Variants in RPS6KA2 observed in about 807,000 individuals in gnomAD.
RPS6KA2 encodes ribosomal protein S6 kinase A2.
In RPS6KA2, 42 loss-of-function variants were observed where a neutral mutation model predicts 91.8. The observed-to-expected ratio is 0.46, with a 90% CI of 0.36 to 0.59. RPS6KA2 has a LOEUF of 0.59. Among genes scored for constraint, RPS6KA2 ranks in the 20% least tolerant of loss-of-function variants. The pLI is 0.00. For synonymous variants in RPS6KA2, 414 were observed against 393.6 expected (o/e 1.05, Z -0.61); for missense variants, 798 against 978.5 (o/e 0.82, Z 2.46).
chr6:166,503,694 A>G (rs1039204503), intron 6 of RPS6KA2, among the ~76,000 whole-genome samples: 6 of 152,170 alleles, frequency 3.9e-5, no homozygotes, highest in African/African-American at 1.4e-4. Context: ...CTAAAATACC[A>G]TCCTCCAAAT....
intron 2 of RPS6KA2, among the ~76,000 whole-genome samples, chr6:166,857,098 A>G (rs1315069674): frequency 2.0e-5 from 3 of 152,214 alleles, no homozygotes; most frequent in Non-Finnish European, 4.4e-5. Flanking sequence ...GGATCATAAG[A>G]TCCAGCGACA....
At chr6:166,844,791 TC>T (rs1318987094) in intron 2 of RPS6KA2, among the ~76,000 whole-genome samples, 1 of 151,912 alleles carries the variant, frequency 6.6e-6, no homozygotes, top group East Asian at 1.9e-4. Context: ...TTGAAACAAA[TC>T]CTCTAAATAC....
intron 2 of RPS6KA2, among the ~76,000 whole-genome samples, chr6:166,776,151 C>T (rs551239889): frequency 7.2e-5 from 11 of 152,306 alleles, no homozygotes; most frequent in African/African-American, 2.6e-4. Flanking sequence ...GAAAGTACAG[C>T]TTAGAGGACT....
intron 2 of RPS6KA2, among the ~76,000 whole-genome samples, chr6:166,651,543 C>T (rs1462795238): frequency 2.0e-5 from 3 of 152,166 alleles, no homozygotes; most frequent in East Asian, 1.9e-4. Context: ...CAACGGAAAT[C>T]CAAGGAAAGC....
intron 12 of RPS6KA2, among the ~76,000 whole-genome samples, chr6:166,454,281 C>T (rs902670794): frequency 1.3e-4 from 20 of 152,124 alleles, no homozygotes; most frequent in African/African-American, 2.4e-4. Context: ...GGGCAGATCA[C>T]GAGGTCAGGA....
At chr6:166,477,333 G>A (rs926473260) in intron 10 of RPS6KA2, among the ~76,000 whole-genome samples, 1 of 152,108 alleles carries the variant, frequency 6.6e-6, no homozygotes, top group African/African-American at 2.4e-5. Context: ...AGCTTCCAGG[G>A]GGCTGGTATC....
At position 166,445,731 on chromosome 6, in the gene RPS6KA2, C is replaced by T. The variant is rs1231699935; in HGVS notation, c.1332+2993G>A. Among the ~76,000 whole-genome samples the T allele has an allele frequency of 6.6e-6, 1 of 152,206 alleles. No individual in the cohort carries two copies. Among genetic ancestry groups the T allele is most frequent in the African/African-American group, 2.4e-5 (1 of 41,450 alleles). Reference sequence around the variant, plus strand: ...CCCTGCCATTGAATGGGAGGATGCCCTGTCTGGCTGTGACGGGACTGCTTC... The same window carrying T: ...CCCTGCCATTGAATGGGAGGATGCCTTGTCTGGCTGTGACGGGACTGCTTC... On this transcript the variant is annotated intron_variant, in intron 14 of 20. Coordinates refer to ENST00000265678, the MANE Select transcript of RPS6KA2 (RefSeq NM_021135.6). This position sits in a 1 kb window ranked among gnomAD's most constrained non-coding sequence, Gnocchi z 4.5.
intron 1 of RPS6KA2, among the ~76,000 whole-genome samples, chr6:166,566,663 C>T (rs1784515184): frequency 6.6e-6 from 1 of 152,204 alleles, no homozygotes; most frequent in South Asian, 2.1e-4. Context: ...CCCACCCTTG[C>T]CTGGAATCTC....
chr6:166,823,280 A>G (rs1321412026), intron 2 of RPS6KA2, among the ~76,000 whole-genome samples: 1 of 152,272 alleles, frequency 6.6e-6, no homozygotes, highest in Non-Finnish European at 1.5e-5. Flanking sequence ...ATGAGACTTA[A>G]GAGGTGTGTC....
At position 166,627,063 on chromosome 6, in the gene RPS6KA2, G is replaced by C. The variant is rs1372252644; in HGVS notation, c.-44C>G. On this transcript the variant is annotated 5_prime_UTR_variant, in exon 1 of 21. Coordinates refer to ENST00000265678, the MANE Select transcript of RPS6KA2 (RefSeq NM_021135.6). ...GAGCAGCCGCAGGGCCGGGGGACGC[G>C]CATCCCCGGCATCCCAGGCGCGGGG... is the stretch of plus-strand genomic sequence containing the variant. 7.6e-7 allele frequency: 1 copy of C among 1,319,788 alleles called. No homozygotes were observed. The highest frequency in any genetic ancestry group is 1.5e-5 in the African/African-American group (1 of 65,492). 81.8% of individuals were successfully genotyped at this position (1,319,788 alleles called of 1,614,324 possible).
intron 1 of RPS6KA2, among the ~76,000 whole-genome samples, chr6:166,622,021 T>C (rs908150515): frequency 6.6e-6 from 1 of 152,230 alleles, no homozygotes; most frequent in African/African-American, 2.4e-5. Flanking sequence ...AGTCAGAGGA[T>C]GTGAACATAG....
At chr6:166,503,117 G>C (rs1374002095) in intron 6 of RPS6KA2, among the ~76,000 whole-genome samples, 1 of 152,206 alleles carries the variant, frequency 6.6e-6, no homozygotes, top group East Asian at 1.9e-4. Flanking sequence ...TGTGTTAAGT[G>C]CTTATGTGTG....
intron 2 of RPS6KA2, among the ~76,000 whole-genome samples, chr6:166,531,720 C>T (rs1783283899): frequency 6.6e-6 from 1 of 152,176 alleles, no homozygotes; most frequent in Non-Finnish European, 1.5e-5. Context: ...ACAAAACAGG[C>T]TCTATCCGAT....
At chr6:166,837,498 C>T (rs2128628591) in intron 2 of RPS6KA2, among the ~76,000 whole-genome samples, 1 of 152,352 alleles carries the variant, frequency 6.6e-6, no homozygotes, top group South Asian at 2.1e-4. Flanking sequence ...GGGTGGACCT[C>T]TGTGTCTGTC....
chr6:166,777,985 A>G (rs1181552643), intron 2 of RPS6KA2, among the ~76,000 whole-genome samples: 4 of 152,262 alleles, frequency 2.6e-5, no homozygotes, highest in Non-Finnish European at 5.9e-5. Context: ...AAATATAGCA[A>G]TTTTTCCAAA....
At chr6:166,659,533 A>G (rs536084741) in intron 2 of RPS6KA2, among the ~76,000 whole-genome samples, 211 of 152,370 alleles carry the variant, frequency 1.4e-3, no homozygotes, top group African/African-American at 4.9e-3. Flanking sequence ...TTCCAAACAG[A>G]GGCTGTAGCC....
chr6:166,546,216 C>A (rs1056128656), intron 1 of RPS6KA2, among the ~76,000 whole-genome samples: 1 of 152,152 alleles, frequency 6.6e-6, no homozygotes, highest in African/African-American at 2.4e-5. Flanking sequence ...GAACGATCTC[C>A]GAGAAGCCTC....
At chr6:166,680,049 G>A (rs1788742149) in intron 2 of RPS6KA2, among the ~76,000 whole-genome samples, 1 of 152,198 alleles carries the variant, frequency 6.6e-6, no homozygotes, top group Non-Finnish European at 1.5e-5. Context: ...AGCACTCTGT[G>A]TCTAGCTAAA....
intron 14 of RPS6KA2, among the ~76,000 whole-genome samples, chr6:166,444,228 T>C (rs1399522323): frequency 2.0e-5 from 3 of 152,244 alleles, no homozygotes; most frequent in Admixed American, 6.5e-5. Flanking sequence ...CCCTTCCTTT[T>C]AATCCTCCTG....
Sources: gnomAD v4.1 joint callset for allele counts (sites outside exome capture counted in the v4.1 genomes callset) on GRCh38, gnomAD v4.1.1 for gene constraint, Gnocchi (gnomAD v3.1) non-coding constraint, MANE v1.5 for transcripts, NCBI Gene and HGNC (gene_info 2026-07-23, HGNC 2026-07-21) for gene names.